TM4SF4: variants seen among roughly 807,000 people sequenced by gnomAD.
The protein encoded by TM4SF4 is transmembrane 4 L six family member 4, also known as transmembrane 4 L6 family member 4.
Under a neutral mutation model 24.1 loss-of-function variants are expected in TM4SF4, and 24 were observed. The ratio of observed to expected loss-of-function variants is 1.00; its 90% confidence interval spans 0.72 to 1.40. The LOEUF (loss-of-function observed/expected upper bound fraction) is 1.40, where lower values mean the gene tolerates loss of function less well. Ranked by LOEUF, TM4SF4 falls within the 40% of genes most tolerant of loss-of-function variation. TM4SF4 has a pLI of 0.00. For synonymous variants in TM4SF4, 113 were observed against 97.0 expected (o/e 1.17, Z -0.97); for missense variants, 254 against 254.2 (o/e 1.00, Z 0.01).
intron 3 of TM4SF4, among the ~76,000 whole-genome samples, chr3:149,492,709 A>T (rs1445866546): frequency 1.3e-5 from 2 of 152,128 alleles, no homozygotes; most frequent in Non-Finnish European, 2.9e-5. Context: ...TCTGTGGTTC[A>T]GACACCGAGA....
chr3:149,495,446 T>A, intron 3 of TM4SF4: 1 of 400,152 alleles, frequency 2.5e-6, no homozygotes, highest in Non-Finnish European at 5.0e-6. Context: ...GAAACTGGTG[T>A]TCTCAAACCC....
At chr3:149,495,535 G>A (rs1734294477) in intron 3 of TM4SF4, 2 of 389,506 alleles carry the variant, frequency 5.1e-6, no homozygotes, top group Non-Finnish European at 1.0e-5. Context: ...GCTCTTCCTG[G>A]GGAAAATGTG....
chr3:149,475,739 G>C, intron 1 of TM4SF4, 84 bp from the exon 2 acceptor site: 1 of 1,177,784 alleles, frequency 8.5e-7, no homozygotes, highest in East Asian at 2.6e-5. Flanking sequence ...CCTCATTGTG[G>C]ATGGGGCTCC....
chr3:149,480,137 AG>A (rs1163347451), intron 2 of TM4SF4, among the ~76,000 whole-genome samples: 1 of 65,182 alleles, frequency 1.5e-5, no homozygotes, highest in East Asian at 2.3e-4. Context: ...AAAAATAGTA[AG>A]AACCCCGGCC....
chr3:149,489,053 T>A (rs1734166953), intron 3 of TM4SF4, among the ~76,000 whole-genome samples: 1 of 152,204 alleles, frequency 6.6e-6, no homozygotes, highest in Admixed American at 6.5e-5. Flanking sequence ...ATCTTTCTCA[T>A]AGTTAAGCAA....
At chr3:149,491,641 GGAACAAAAAACGAATA>G (rs1388667925) in intron 3 of TM4SF4, among the ~76,000 whole-genome samples, 1 of 151,892 alleles carries the variant, frequency 6.6e-6, no homozygotes, top group Non-Finnish European at 1.5e-5. Flanking sequence ...TCTCAAACAT[GGAACAAAAAACGAATA>G]GACATGGTTC....
At chr3:149,481,620 C>T (rs1306494198) in intron 2 of TM4SF4, among the ~76,000 whole-genome samples, 2 of 152,246 alleles carry the variant, frequency 1.3e-5, no homozygotes, top group East Asian at 1.9e-4. Context: ...GCCCTAAGGA[C>T]ATGCTTTGGC....
intron 2 of TM4SF4, among the ~76,000 whole-genome samples, chr3:149,484,597 G>C (rs1734086663): frequency 6.7e-6 from 1 of 150,340 alleles, no homozygotes; most frequent in African/African-American, 2.4e-5. Context: ...TGTTGCCCAG[G>C]CTGGAGTGCA....
intron 2 of TM4SF4, among the ~76,000 whole-genome samples, 200 bp downstream of exon 2, chr3:149,476,112 G>A (rs554730538): frequency 6.6e-6 from 1 of 152,220 alleles, no homozygotes; most frequent in African/African-American, 2.4e-5. Context: ...CATACTTATA[G>A]GGTATGAATA....
intron 3 of TM4SF4, 132 bp downstream of exon 3, chr3:149,487,887 C>A: frequency 3.9e-6 from 5 of 1,290,562 alleles, no homozygotes; most frequent in Non-Finnish European, 4.3e-6. Flanking sequence ...TCCTTTGAGG[C>A]AGAGATGGAG....
chr3:149,480,105 C>T (rs1260027076), intron 2 of TM4SF4, among the ~76,000 whole-genome samples: 1 of 150,572 alleles, frequency 6.6e-6, no homozygotes, highest in African/African-American at 2.4e-5. Context: ...AAAGGAGAGC[C>T]GGGAAAAGTG....
intron 4 of TM4SF4, among the ~76,000 whole-genome samples, chr3:149,500,837 A>T (rs1734405795): frequency 6.6e-6 from 1 of 152,146 alleles, no homozygotes; most frequent in African/African-American, 2.4e-5. Context: ...TGACCATGGC[A>T]ACATGGTGAA....
chr3:149,479,311 T>C (rs1242541360), intron 2 of TM4SF4, among the ~76,000 whole-genome samples: 2 of 152,106 alleles, frequency 1.3e-5, no homozygotes, highest in East Asian at 3.9e-4. Flanking sequence ...TGCTTAATGT[T>C]ATGTTCTAAG....
chr3:149,489,282 GGT>G (rs200070884), intron 3 of TM4SF4, among the ~76,000 whole-genome samples: 56 of 152,172 alleles, frequency 3.7e-4, no homozygotes, highest in African/African-American at 1.3e-3. Context: ...TCCACCTAGG[GGT>G]GTGTGTGTGA....
chr3:149,500,407 C>T (rs536801731), intron 4 of TM4SF4, among the ~76,000 whole-genome samples: 2 of 151,944 alleles, frequency 1.3e-5, no homozygotes, highest in South Asian at 4.2e-4. Flanking sequence ...ATAAGTCCCC[C>T]AAATCAGCAG....
At chr3:149,502,144 C>T (rs59051977) in intron 4 of TM4SF4, among the ~76,000 whole-genome samples, 38 of 152,316 alleles carry the variant, frequency 2.5e-4, no homozygotes, top group African/African-American at 8.9e-4. Flanking sequence ...AACACAATCT[C>T]TGGGTTCTGC....
At position 149,500,748 on chromosome 3, in the gene TM4SF4, T is replaced by G. The variant is rs576728346; in HGVS notation, c.591+1837T>G. ...TTGGCTGGACATGGTGGCTCATGTC[T>G]GTAATCCCAGCACTTTGGGAGGCCA... On this transcript the variant is annotated intron_variant, in intron 4 of 4. Coordinates refer to ENST00000305354, the MANE Select transcript of TM4SF4 (RefSeq NM_004617.4). Among the ~76,000 whole-genome samples, 50 of 152,322 alleles carry G rather than the reference T, an allele frequency of 3.3e-4. 1 individual carries two copies. The South Asian group carries it at 0.01, about 32-fold the overall frequency.
chr3:149,497,737 C>T (rs1576523021), intron 3 of TM4SF4, among the ~76,000 whole-genome samples: 3 of 152,088 alleles, frequency 2.0e-5, no homozygotes, highest in Admixed American at 1.3e-4. Context: ...CTCCACCTCC[C>T]GGGTTCAAGC....
At chr3:149,498,347 A>G (rs1280358966) in intron 3 of TM4SF4, among the ~76,000 whole-genome samples, 1 of 152,182 alleles carries the variant, frequency 6.6e-6, no homozygotes, top group Non-Finnish European at 1.5e-5. Flanking sequence ...CCCATCATAG[A>G]TGGTGAATTT....
Sources: gnomAD v4.1 joint callset for allele counts (sites outside exome capture counted in the v4.1 genomes callset) on GRCh38, gnomAD v4.1.1 for gene constraint, MANE v1.5 for transcripts, NCBI Gene and HGNC (gene_info 2026-07-23, HGNC 2026-07-21) for gene names.